The following ADORA2B variants were observed in gnomAD, a reference collection of about 807,000 sequenced individuals.
ADORA2B encodes the protein adenosine A2b receptor.
In ADORA2B, 18 loss-of-function variants were observed where a neutral mutation model predicts 20.8. The observed-to-expected ratio is 0.87, with a 90% CI of 0.60 to 1.29. ADORA2B has a LOEUF of 1.29. Ranked by LOEUF, ADORA2B falls within the 50% of genes most tolerant of loss-of-function variation. The pLI is 0.00. For synonymous variants in ADORA2B, 179 were observed against 178.3 expected (o/e 1.00, Z -0.03); for missense variants, 441 against 422.7 (o/e 1.04, Z -0.38).
chr17:15,935,587 A>AT, the ADORA2B span, among the ~76,000 whole-genome samples: 1 of 151,592 alleles, frequency 6.6e-6, no homozygotes, highest in South Asian at 2.1e-4. Context: ...GTACATGCTT[A>AT]TTTTTTTCAT....
At chr17:15,863,901 A>G in the ADORA2B span, among the ~76,000 whole-genome samples, 1 of 152,252 alleles carries the variant, frequency 6.6e-6, no homozygotes, top group East Asian at 1.9e-4. Context: ...TGAGACATCA[A>G]ATACATTATT....
At chr17:15,918,564 C>T in the ADORA2B span, among the ~76,000 whole-genome samples, 33 of 152,268 alleles carry the variant, frequency 2.2e-4, no homozygotes, top group Admixed American at 1.0e-3. Context: ...CTCCGCCTTC[C>T]GGATTCAAGC....
the ADORA2B span, among the ~76,000 whole-genome samples, chr17:15,904,717 A>C: frequency 5.9e-5 from 9 of 152,212 alleles, no homozygotes; most frequent in East Asian, 5.8e-4. Flanking sequence ...ATCCATTTTG[A>C]ATTAATTTAT....
At chr17:15,920,884 G>A in the ADORA2B span, among the ~76,000 whole-genome samples, 1 of 152,208 alleles carries the variant, frequency 6.6e-6, no homozygotes, top group East Asian at 1.9e-4. Context: ...CCAACGGGAT[G>A]ACTCACAGAT....
chr17:15,933,611 A>C, the ADORA2B span, among the ~76,000 whole-genome samples: 2 of 152,176 alleles, frequency 1.3e-5, no homozygotes, highest in African/African-American at 4.8e-5. Flanking sequence ...TATTGAGTAA[A>C]GATACAATTA....
the ADORA2B span, among the ~76,000 whole-genome samples, chr17:15,874,082 G>GTATA: frequency 1.6e-3 from 221 of 137,578 alleles, 2 homozygotes; most frequent in African/African-American, 6.0e-3. Flanking sequence ...ATATATATAT[G>GTATA]TATATATATG....
At chr17:15,879,449 A>T in the ADORA2B span, among the ~76,000 whole-genome samples, 3 of 151,472 alleles carry the variant, frequency 2.0e-5, no homozygotes, top group African/African-American at 7.3e-5. Flanking sequence ...TGAGTCCCTG[A>T]CTTTAAAAAA....
chr17:15,933,405 T>C, the ADORA2B span, among the ~76,000 whole-genome samples: 1 of 152,228 alleles, frequency 6.6e-6, no homozygotes, highest in Non-Finnish European at 1.5e-5. Flanking sequence ...CTTAATAATA[T>C]TGTCTTCCAA....
chr17:15,914,396 G>T, the ADORA2B span, among the ~76,000 whole-genome samples: 3 of 152,066 alleles, frequency 2.0e-5, no homozygotes. Context: ...TAGAGAGAGG[G>T]CTCTTGCTTT....
chr17:15,953,923 G>GTA lies in ADORA2B; in HGVS notation c.335+8342_335+8343dup, dbSNP rs538772984. Among the ~76,000 whole-genome samples the GTA allele has an allele frequency of 6.0e-3, 906 of 152,190 alleles. 16 individuals are homozygous for GTA. Among genetic ancestry groups the GTA allele is most frequent in the South Asian group, 0.038 (183 of 4,824 alleles). On this transcript the variant is annotated intron_variant, in intron 1 of 1. Transcript: ENST00000304222. ...TCATGGCTTCCTCTGCACAGATGGTGTATTGAACACATTTGCATTATACCA... is the reference window on the plus strand; with the variant it reads ...TCATGGCTTCCTCTGCACAGATGGTGTATATTGAACACATTTGCATTATACCA...
the ADORA2B span, among the ~76,000 whole-genome samples, chr17:15,909,868 G>A: frequency 6.6e-6 from 1 of 152,212 alleles, no homozygotes; most frequent in Admixed American, 6.5e-5. Context: ...AAGGAATGCA[G>A]CTGCCCCTGG....
chr17:15,852,260 A>T, the ADORA2B span, among the ~76,000 whole-genome samples: 3 of 152,196 alleles, frequency 2.0e-5, no homozygotes, highest in Non-Finnish European at 4.4e-5. Flanking sequence ...TCCTACCTTA[A>T]AAAGACCTTT....
chr17:15,874,123 C>G, the ADORA2B span, among the ~76,000 whole-genome samples: 56 of 149,770 alleles, frequency 3.7e-4, no homozygotes, highest in African/African-American at 1.3e-3. Flanking sequence ...TACATACACA[C>G]ACACACACAC....
chr17:15,922,730 A>G, the ADORA2B span, among the ~76,000 whole-genome samples: 1 of 152,216 alleles, frequency 6.6e-6, no homozygotes, highest in Non-Finnish European at 1.5e-5. Context: ...TGGGTCAAAG[A>G]GTTTATGCTT....
chr17:15,967,668 A>G (rs941236510), intron 1 of ADORA2B, among the ~76,000 whole-genome samples: 1 of 152,166 alleles, frequency 6.6e-6, no homozygotes, highest in African/African-American at 2.4e-5. Flanking sequence ...CGTCTCAAAA[A>G]AACAAAACAA....
chr17:15,950,676 T>G (rs934197992), intron 1 of ADORA2B, among the ~76,000 whole-genome samples: 7 of 152,140 alleles, frequency 4.6e-5, no homozygotes, highest in Non-Finnish European at 8.8e-5. Context: ...ACTTAAAACC[T>G]AAGCCACATC....
the ADORA2B span, among the ~76,000 whole-genome samples, chr17:15,899,891 G>A: frequency 1.3e-5 from 2 of 151,706 alleles, no homozygotes; most frequent in South Asian, 4.2e-4. Flanking sequence ...GGGTGCAGTG[G>A]CGTGATTCTA....
chr17:15,914,155 C>G, the ADORA2B span, among the ~76,000 whole-genome samples: 1 of 152,124 alleles, frequency 6.6e-6, no homozygotes, highest in Admixed American at 6.6e-5. Flanking sequence ...CATTTTACTC[C>G]CACACATTTG....
At chr17:15,877,030 C>T in the ADORA2B span, among the ~76,000 whole-genome samples, 7 of 152,252 alleles carry the variant, frequency 4.6e-5, no homozygotes, top group African/African-American at 1.7e-4. Flanking sequence ...TGGCTTATTT[C>T]GCTTAGCATA....
Sources: gnomAD v4.1 joint callset for allele counts (sites outside exome capture counted in the v4.1 genomes callset) on GRCh38, gnomAD v4.1.1 for gene constraint, MANE v1.5 for transcripts, NCBI Gene and HGNC (gene_info 2026-07-23, HGNC 2026-07-21) for gene names.